Variants in ACAN observed in about 807,000 individuals in gnomAD.
The protein encoded by ACAN is aggrecan.
Under a neutral mutation model 169.1 loss-of-function variants are expected in ACAN, and 47 were observed. The observed-to-expected ratio is 0.28, with a 90% confidence interval of 0.22 to 0.35. The LOEUF (loss-of-function observed/expected upper bound fraction) is 0.35. Ranked by LOEUF, ACAN falls within the 10% of genes least tolerant of loss-of-function variation. ACAN has a pLI of 1.00. For synonymous variants in ACAN, 1,115 were observed against 1,112.2 expected, an observed-to-expected ratio of 1.00 and a Z score of -0.05; for missense variants, 2,716 against 2,759.9, an observed-to-expected ratio of 0.98 and a Z score of 0.36.
rs1365388451 is a variant in ACAN at position 88,849,832 on chromosome 15, C to T, written c.2026+101C>T. 2 of 1,485,088 alleles carry T rather than the reference C, an allele frequency of 1.3e-6. No homozygotes were observed. Among genetic ancestry groups the T allele is most frequent in the Non-Finnish European group, 1.8e-6 (2 of 1,088,722 alleles). 92.0% of individuals were successfully genotyped at this position (1,485,088 alleles called of 1,614,324 possible). A position where few individuals can be genotyped will look rare whatever the true frequency, so the allele number is the denominator to read the frequency against. ...CCACCCAGTATCCCATCCATCAGAGCAAGAAAATGTCAGTCCCTCTGGGGC... is the reference window on the plus strand; with the variant it reads ...CCACCCAGTATCCCATCCATCAGAGTAAGAAAATGTCAGTCCCTCTGGGGC... On this transcript the variant is annotated intron_variant, in intron 10 of 18. Coordinates refer to ENST00000560601, the MANE Select transcript of ACAN (RefSeq NM_001369268.1). This position sits in a 1 kb window ranked among gnomAD's most constrained non-coding sequence, Gnocchi z 5.1.
At chr15:88,806,499 A>G (rs2141480823) in intron 1 of ACAN, among the ~76,000 whole-genome samples, 1 of 151,976 alleles carries the variant, frequency 6.6e-6, no homozygotes, top group East Asian at 1.9e-4. Flanking sequence ...TTACTTGTGT[A>G]CCACCACGCC....
rs556062259 is a variant in ACAN, at chr15:88,859,009, G to A, written c.6424G>A (p.Glu2142Lys). 1.6e-4 allele frequency: 264 copies of A among 1,613,888 alleles called. 8 individuals are homozygous for A. In the South Asian group the frequency reaches 2.7e-3, roughly 17 times the overall value. The change falls in exon 12 of 19, where the codon GAG becomes AAG. Residue 2142 changes from glutamate to lysine, a missense_variant. Physicochemically the swap from Glu to Lys is moderately conservative, Grantham distance 56. Around this residue, in one of 3 missense-constraint regions of ACAN, gnomAD observed 1,389 missense variants for 1,363.7 expected, o/e 1.02. Coordinates refer to ENST00000560601, the MANE Select transcript of ACAN (RefSeq NM_001369268.1). ...CTCTGCATTCCACGAAGCTAACCTT[G>A]AGAGATCCTCTGGCCTAGGAGTGAG... Reference protein sequence around the residue: ...TTSAFHEANLERSSGLGVSGS... With the variant: ...TTSAFHEANLKRSSGLGVSGS...
chr15:88,828,431 G>C (rs1333852870), intron 1 of ACAN, among the ~76,000 whole-genome samples: 1 of 148,842 alleles, frequency 6.7e-6, no homozygotes, highest in African/African-American at 2.5e-5. Context: ...CTTTTTTTTT[G>C]CTCCCCAGAG....
At chr15:88,845,166 G>A (rs368662469) in intron 6 of ACAN, among the ~76,000 whole-genome samples, 14 of 152,334 alleles carry the variant, frequency 9.2e-5, no homozygotes, top group African/African-American at 2.9e-4. Flanking sequence ...TCAGATGGTT[G>A]GTAAGGTGCT....
chr15:88,825,734 A>G (rs1344273809), intron 1 of ACAN, among the ~76,000 whole-genome samples: 3 of 152,126 alleles, frequency 2.0e-5, no homozygotes, highest in African/African-American at 7.2e-5. Context: ...GGAGAGATTG[A>G]TGTCATCTTT....
chr15:88,868,218 A>G lies in ACAN; in HGVS notation c.6949A>G (p.Ile2317Val), dbSNP rs1259291657. The G allele has an allele frequency of 1.4e-5, 10 of 702,358 alleles. No individual in the cohort carries two copies. The highest frequency in any genetic ancestry group is 2.6e-6 in the Non-Finnish European group (1 of 384,738). The allele number at this position is 702,358 out of a possible 1,614,324, so 43.5% of individuals were successfully genotyped here. A position where few individuals can be genotyped will look rare whatever the true frequency, so the allele number is the denominator to read the frequency against. The change falls in exon 14 of 19, where the codon ATT (isoleucine) becomes GTT (valine). Residue 2317 changes from isoleucine (I) to valine (V), a missense_variant and splice_region_variant. By Grantham distance (29) the Ile-to-Val change is conservative (BLOSUM62 3). Around this residue, in one of 3 missense-constraint regions of ACAN, gnomAD observed 1,389 missense variants for 1,363.7 expected, o/e 1.02. Coordinates refer to ENST00000560601, the MANE Select transcript of ACAN (RefSeq NM_001369268.1). The surrounding 1 kb of genome is among the most constrained non-coding windows in gnomAD (Gnocchi z 5.2). ...GYTGEHCNIDIDECLSSPCLN... is the reference protein window; with the variant it reads ...GYTGEHCNIDVDECLSSPCLN... ...TGGTGGCCCTTGGTTTCTTGCAGAC[A>G]TTGATGAGTGCCTCTCAAGCCCTTG...
chr15:88,871,590 C>T lies in ACAN; in HGVS notation c.7219+50C>T. The T allele has an allele frequency of 6.4e-7, 1 of 1,557,544 alleles. No individual in the cohort carries two copies. Among genetic ancestry groups the T allele is most frequent in the South Asian group, 1.2e-5 (1 of 83,472 alleles). ...CCTGAGAGGAGAGTGGCGGTGTAGG[C>T]AAAGGGCCTCACCTTTCAGAAGGCA... On this transcript the variant is annotated intron_variant, in intron 15 of 18. Transcript: ENST00000560601. The surrounding 1 kb of genome is among the most constrained non-coding windows in gnomAD (Gnocchi z 7.8).
chr15:88,830,526 G>A (rs923287287), intron 1 of ACAN, among the ~76,000 whole-genome samples: 2 of 152,024 alleles, frequency 1.3e-5, no homozygotes, highest in Non-Finnish European at 2.9e-5. Flanking sequence ...ACTGAATACT[G>A]TATTTTTACT....
At position 88,838,522 on chromosome 15, in the gene ACAN, G is replaced by T. The variant is rs1369233456; in HGVS notation, c.71-141G>T. ...CTGGGAATTCCCACATGACACGGGA[G>T]CATCCCCATCATAGAGACAGACACA... On this transcript the variant is annotated intron_variant, in intron 2 of 18. Coordinates refer to ENST00000560601, the MANE Select transcript of ACAN (RefSeq NM_001369268.1). The surrounding 1 kb of genome is among the most constrained non-coding windows in gnomAD (Gnocchi z 5.1). The T allele has an allele frequency of 1.2e-5, 13 of 1,067,764 alleles. No individual in the cohort carries two copies. In the Admixed American group the frequency reaches 2.9e-4, roughly 24 times the overall value. 66.1% of individuals were successfully genotyped at this position (1,067,764 alleles called of 1,614,324 possible).
intron 11 of ACAN, among the ~76,000 whole-genome samples, chr15:88,853,845 C>CT (rs56384350): frequency 0.62 from 88,801 of 143,672 alleles, 27,897 homozygotes; most frequent in African/African-American, 0.69. Flanking sequence ...GCCCAGCTAA[C>CT]TTTTTTTTTT....
At chr15:88,841,139 C>T (rs145692987) in intron 4 of ACAN, among the ~76,000 whole-genome samples, 162 of 152,260 alleles carry the variant, frequency 1.1e-3, no homozygotes, top group African/African-American at 3.6e-3. Flanking sequence ...AGCGAGACTC[C>T]GTCTCAAAAA....
chr15:88,840,259 G>T, intron 4 of ACAN, 73 bp downstream of exon 4: 7 of 1,471,136 alleles, frequency 4.8e-6, no homozygotes, highest in Non-Finnish European at 6.3e-6. Context: ...GTGCTGGGTG[G>T]AACGTTGGCC....
At chr15:88,846,631 A>G (rs1896797241) in intron 7 of ACAN, among the ~76,000 whole-genome samples, 1 of 152,238 alleles carries the variant, frequency 6.6e-6, no homozygotes, top group Non-Finnish European at 1.5e-5. Context: ...TAACAACAAT[A>G]CAACAATAAA....
rs553161065 is a variant in ACAN, at chr15:88,874,025, G to A, written c.7630+1G>A. On this transcript the variant is annotated splice_donor_variant, in intron 18 of 18. Transcript: ENST00000560601. LOFTEE classifies it high-confidence loss of function. This position sits in a 1 kb window ranked among gnomAD's most constrained non-coding sequence, Gnocchi z 7.3. ...GAGCCTCAGATCACCTGCACAGACC[G>A]TGAGCATCACCCCGGCCATCTCGCT... 56 of 1,609,614 alleles carry A rather than the reference G, an allele frequency of 3.5e-5. No individual in the cohort carries two copies. The highest frequency in any genetic ancestry group is 4.2e-5 in the Non-Finnish European group (50 of 1,179,734).
chr15:88,854,933 CCTCAGAGGAACCA>C lies in ACAN; in HGVS notation c.2349_2361del (p.Ser784ProfsTer22). The stretch of plus-strand genomic sequence containing the variant: ...CCTTCTGCAACTGAAGTGCCCTCTG[CCTCAGAGGAACCA>C]TCCCCCTCAGAGGTGCCATTCCCCT... On this transcript the variant is annotated frameshift_variant, in exon 12 of 19. Transcript: ENST00000560601. LOFTEE classifies it high-confidence loss of function. 1 of 1,593,646 alleles carries C rather than the reference CCTCAGAGGAACCA, an allele frequency of 6.3e-7. No individual in the cohort carries two copies.
chr15:88,838,783 C>G lies in ACAN; in HGVS notation c.191C>G (p.Pro64Arg). ...CCCATGCACCCTGTGACCACCGCCC[C>G]TTCTACCGCCCCACTGGCCCCAAGA... ...IDPMHPVTTAPSTAPLAPRIK... is the reference protein window; with the variant it reads ...IDPMHPVTTARSTAPLAPRIK... Residue 64 changes from proline to arginine, a missense_variant, in exon 3 of 19, where the codon CCT (proline) becomes CGT (arginine). Physicochemically the swap from Pro to Arg is moderately radical, Grantham distance 103. Transcript: ENST00000560601. This position sits in a 1 kb window ranked among gnomAD's most constrained non-coding sequence, Gnocchi z 5.1. The G allele has an allele frequency of 3.7e-6, 6 of 1,614,042 alleles. No individual in the cohort carries two copies. Among genetic ancestry groups the G allele is most frequent in the Non-Finnish European group, 5.1e-6 (6 of 1,179,894 alleles).
chr15:88,840,012 G>T lies in ACAN; in HGVS notation c.455G>T (p.Gly152Val). The T allele has an allele frequency of 6.3e-7, 1 of 1,597,652 alleles. No homozygotes were observed. Among genetic ancestry groups the T allele is most frequent in the Non-Finnish European group, 8.5e-7 (1 of 1,171,620 alleles). ...TTGTGGGCGTGTATGTGTCTTGCAG[G>T]CATCGTGTTCCATTACAGAGCCATC... ...SEATLEVVVK[G>V]IVFHYRAIST... is the part of the protein sequence containing the mutation. The change falls in exon 4 of 19, where the codon GGC (glycine) becomes GTC (valine). Residue 152 changes from glycine to valine, a missense_variant and splice_region_variant. By Grantham distance (109) the Gly-to-Val change is moderately radical (BLOSUM62 -3). Around this residue, in one of 3 missense-constraint regions of ACAN, gnomAD observed 1,283 missense variants for 1,281.5 expected, o/e 1.00. Coordinates refer to ENST00000560601, the MANE Select transcript of ACAN (RefSeq NM_001369268.1).
Position 88,843,046 on chromosome 15 carries a change from TG to T in ACAN, c.758-305del, listed in dbSNP as rs1228631293. Among the ~76,000 whole-genome samples, 1 of 152,214 alleles carries T rather than the reference TG, an allele frequency of 6.6e-6. No homozygotes were observed. Among genetic ancestry groups the T allele is most frequent in the African/African-American group, 2.4e-5 (1 of 41,446 alleles). On this transcript the variant is annotated intron_variant, in intron 5 of 18. Coordinates refer to ENST00000560601, the MANE Select transcript of ACAN (RefSeq NM_001369268.1). The surrounding 1 kb of genome is among the most constrained non-coding windows in gnomAD (Gnocchi z 4.0). The stretch of plus-strand genomic sequence containing the variant: ...AGATCCCCCTGTGGTGGAATGCAAA[TG>T]GGGCAAAGAGGCTTTTGAGCAGAAT...
chr15:88,838,746 T>C lies in ACAN; in HGVS notation c.154T>C (p.Tyr52His). 6.2e-7 allele frequency: 1 copy of C among 1,613,336 alleles called. No individual in the cohort carries two copies. The highest frequency in any genetic ancestry group is 8.5e-7 in the Non-Finnish European group (1 of 1,179,314). ...GGGGACCTCCCTCACCATCCCCTGC[T>C]ATTTCATCGACCCCATGCACCCTGT... Reference protein sequence around the residue: ...LLGTSLTIPCYFIDPMHPVTT... With the variant: ...LLGTSLTIPCHFIDPMHPVTT... The change falls in exon 3 of 19, where the codon TAT (tyrosine) becomes CAT (histidine). Residue 52 changes from tyrosine to histidine, a missense_variant. Around this residue, in one of 3 missense-constraint regions of ACAN, gnomAD observed 1,283 missense variants for 1,281.5 expected, o/e 1.00. Coordinates refer to ENST00000560601, the MANE Select transcript of ACAN (RefSeq NM_001369268.1). This position sits in a 1 kb window ranked among gnomAD's most constrained non-coding sequence, Gnocchi z 5.1.
Sources: allele counts gnomAD v4.1 joint callset (sites outside exome capture counted in the v4.1 genomes callset), GRCh38; gene constraint gnomAD v4.1.1; regional missense constraint gnomAD v4.1.1; non-coding constraint Gnocchi (gnomAD v3.1); transcripts MANE v1.5; gene names NCBI Gene and HGNC (gene_info 2026-07-23, HGNC 2026-07-21).